TWSG1: variants seen among roughly 807,000 people sequenced by gnomAD.
TWSG1 encodes the protein twisted gastrulation protein homolog 1.
A neutral mutation model predicts 23.0 loss-of-function variants in TWSG1; 15 were observed. The ratio of observed to expected loss-of-function variants is 0.65; its 90% CI spans 0.44 to 1.00. The LOEUF (loss-of-function observed/expected upper bound fraction) is 1.00, where lower values mean the gene tolerates loss of function less well. TWSG1 is among the 50% of genes least tolerant of loss of function. The pLI is 0.00. For missense variants in TWSG1, 242 were observed against 278.7 expected (o/e 0.87, Z 0.94); for synonymous variants, 86 against 92.8 (o/e 0.93, Z 0.42).
chr18:9,396,226 C>T, intron 3 of TWSG1, 54 bp from the exon 4 acceptor site: 6 of 1,479,060 alleles, frequency 4.1e-6, no homozygotes, highest in Non-Finnish European at 5.6e-6. Context: ...TGTGTTATAG[C>T]TCTGATTGCA....
rs553452632 is a variant in TWSG1, at chr18:9,376,943, T to C, written c.223+16872T>C. ...TTAACAATAAAGTATAACAACTGTTTACATGTTACTTAACAGTATGTTTAC... is the reference window on the plus strand; with the variant it reads ...TTAACAATAAAGTATAACAACTGTTCACATGTTACTTAACAGTATGTTTAC... On this transcript the variant is annotated intron_variant, in intron 3 of 4. Coordinates refer to ENST00000262120, the MANE Select transcript of TWSG1 (RefSeq NM_020648.6). 2.6e-5 allele frequency among the ~76,000 whole-genome samples: 4 copies of C among 152,282 alleles called. No homozygotes were observed. In the South Asian group the frequency reaches 8.3e-4, roughly 32 times the overall value.
chr18:9,345,064 C>T (rs561242167), intron 2 of TWSG1, among the ~76,000 whole-genome samples: 1 of 152,256 alleles, frequency 6.6e-6, no homozygotes, highest in African/African-American at 2.4e-5. Flanking sequence ...CAACCCAGAA[C>T]CTATGCTCAT....
chr18:9,389,488 C>G (rs879565819), intron 3 of TWSG1, among the ~76,000 whole-genome samples: 14 of 152,132 alleles, frequency 9.2e-5, no homozygotes, highest in Non-Finnish European at 1.8e-4. Context: ...TTTGACTTAT[C>G]TGCACCTATT....
At chr18:9,337,475 G>C in intron 2 of TWSG1, 123 bp downstream of exon 2, 1 of 1,023,454 alleles carries the variant, frequency 9.8e-7, no homozygotes, top group African/African-American at 1.6e-5. Flanking sequence ...GTCAGGGCCT[G>C]AGGTACTGAA....
At chr18:9,378,472 A>G (rs1208479689) in intron 3 of TWSG1, among the ~76,000 whole-genome samples, 1 of 152,214 alleles carries the variant, frequency 6.6e-6, no homozygotes, top group Admixed American at 6.5e-5. Flanking sequence ...TACACTAACC[A>G]GCACCCATGC....
At chr18:9,367,314 T>G (rs1170171242) in intron 3 of TWSG1, among the ~76,000 whole-genome samples, 2 of 152,170 alleles carry the variant, frequency 1.3e-5, no homozygotes, top group Non-Finnish European at 2.9e-5. Context: ...ATTATTTCTA[T>G]CTAACTGAAA....
At chr18:9,378,564 G>C (rs2040641641) in intron 3 of TWSG1, among the ~76,000 whole-genome samples, 1 of 152,130 alleles carries the variant, frequency 6.6e-6, no homozygotes, top group Non-Finnish European at 1.5e-5. Context: ...TAACCAGTGA[G>C]ATAAAAGATC....
intron 3 of TWSG1, among the ~76,000 whole-genome samples, chr18:9,369,689 A>G (rs1327552582): frequency 6.6e-6 from 1 of 151,802 alleles, no homozygotes; most frequent in East Asian, 1.9e-4. Context: ...ACACCACCAT[A>G]CCCAGCTTAC....
chr18:9,337,139 T>G (rs1367187907), intron 1 of TWSG1, 54 bp from the exon 2 acceptor site: 4 of 1,440,810 alleles, frequency 2.8e-6, no homozygotes, highest in Non-Finnish European at 3.8e-6. Context: ...CATTTTTATA[T>G]TTGTTTTTAC....
chr18:9,354,900 T>TA (rs1183650243), intron 2 of TWSG1, among the ~76,000 whole-genome samples: 1 of 152,184 alleles, frequency 6.6e-6, no homozygotes, highest in Admixed American at 6.6e-5. Context: ...ATCTTGACTT[T>TA]AGCCTTTCTG....
intron 3 of TWSG1, among the ~76,000 whole-genome samples, chr18:9,377,665 T>A (rs1265896023): frequency 6.6e-6 from 1 of 152,206 alleles, no homozygotes. Context: ...GTGAAACTCC[T>A]AGAAGATAAC....
intron 3 of TWSG1, among the ~76,000 whole-genome samples, chr18:9,371,336 G>A (rs1385331826): frequency 2.1e-5 from 3 of 144,626 alleles, no homozygotes; most frequent in Admixed American, 1.4e-4. Flanking sequence ...TTGCCCTGTC[G>A]CCCAGGCTGG....
At chr18:9,366,603 C>G (rs116904219) in intron 3 of TWSG1, among the ~76,000 whole-genome samples, 4,986 of 152,286 alleles carry the variant, frequency 0.033, 147 homozygotes, top group Non-Finnish European at 0.05. Context: ...TTATGACTCT[C>G]TCTTGTATCT....
At chr18:9,396,813 C>T (rs2040739244) in intron 4 of TWSG1, 2 of 526,452 alleles carry the variant, frequency 3.8e-6, no homozygotes, top group South Asian at 6.1e-5. Flanking sequence ...GTAATCCCAG[C>T]ACTTTGGGAG....
chr18:9,345,399 C>G (rs2040472386), intron 2 of TWSG1, among the ~76,000 whole-genome samples: 1 of 151,996 alleles, frequency 6.6e-6, no homozygotes, highest in African/African-American at 2.4e-5. Context: ...ACCTGTAATC[C>G]CAGCACTTTG....
chr18:9,390,691 G>A (rs1205795787), intron 3 of TWSG1, among the ~76,000 whole-genome samples: 3 of 152,132 alleles, frequency 2.0e-5, no homozygotes, highest in African/African-American at 7.2e-5. Context: ...CATGCTATTT[G>A]ATACTATTTT....
intron 2 of TWSG1, among the ~76,000 whole-genome samples, chr18:9,345,256 T>C (rs562444891): frequency 1.3e-5 from 2 of 152,332 alleles, no homozygotes; most frequent in South Asian, 4.1e-4. Context: ...CCAATGTTTC[T>C]GTTTTTTTCT....
At chr18:9,363,611 G>A (rs1380354928) in intron 3 of TWSG1, among the ~76,000 whole-genome samples, 3 of 152,000 alleles carry the variant, frequency 2.0e-5, no homozygotes, top group Non-Finnish European at 4.4e-5. Context: ...GTAATTAACA[G>A]CACATCTTTA....
At chr18:9,382,312 C>T (rs2040660715) in intron 3 of TWSG1, among the ~76,000 whole-genome samples, 1 of 151,876 alleles carries the variant, frequency 6.6e-6, no homozygotes. Context: ...TACTTGAAGC[C>T]AGGAGTTCAA....
Sources: allele counts gnomAD v4.1 joint callset (sites outside exome capture counted in the v4.1 genomes callset), GRCh38; gene constraint gnomAD v4.1.1; transcripts MANE v1.5; gene names NCBI Gene and HGNC (gene_info 2026-07-23, HGNC 2026-07-21).